The following GLIS2 variants were observed in gnomAD, a reference collection of about 807,000 sequenced individuals.
GLIS2 encodes GLIS family zinc finger 2, also known as zinc finger protein GLIS2.
In GLIS2, 14 loss-of-function variants were observed where a neutral mutation model predicts 35.6. The observed-to-expected ratio is 0.39, with a 90% CI of 0.26 to 0.61. The LOEUF (loss-of-function observed/expected upper bound fraction) is 0.61. GLIS2 is among the 20% of genes least tolerant of loss of function. The pLI is 0.48. For missense variants in GLIS2, 675 were observed against 713.4 expected, an observed-to-expected ratio of 0.95 and a Z score of 0.61; for synonymous variants, 368 against 325.1, an observed-to-expected ratio of 1.13 and a Z score of -1.42.
rs1262768343 is a variant in GLIS2, at chr16:4,320,094, T to G, written c.-67+3840T>G. On this transcript the variant is annotated intron_variant, in intron 1 of 6. Coordinates refer to ENST00000433375, the MANE Select transcript of GLIS2 (RefSeq NM_032575.3). This position sits in a 1 kb window ranked among gnomAD's most constrained non-coding sequence, Gnocchi z 5.6. ...CCTCGTGCCCTTTGTCTTCGGTGCT[T>G]GAGAGGCCAGGTAGTGCCCACCGCA... Among the ~76,000 whole-genome samples, 1 of 151,938 alleles carries G rather than the reference T, an allele frequency of 6.6e-6. No individual in the cohort carries two copies. Among genetic ancestry groups the G allele is most frequent in the Non-Finnish European group, 1.5e-5 (1 of 67,948 alleles).
Position 4,332,617 on chromosome 16 carries a change from C to T in GLIS2, c.172+165C>T, listed in dbSNP as rs760981341. ...CCATCCGCCCAGCATCGTATGTCTG[C>T]AGGGAGGTGGGAGCTGCAGTGCCCA... On this transcript the variant is annotated intron_variant, in intron 2 of 6. Transcript: ENST00000433375. This position sits in a 1 kb window ranked among gnomAD's most constrained non-coding sequence, Gnocchi z 5.4. Among the ~76,000 whole-genome samples, 2 of 152,248 alleles carry T rather than the reference C, an allele frequency of 1.3e-5. No individual in the cohort carries two copies. The highest frequency in any genetic ancestry group is 4.8e-5 in the African/African-American group (2 of 41,470).
At chr16:4,326,418 C>G (rs1422889345) in intron 1 of GLIS2, 4 of 152,244 alleles carry the variant, frequency 2.6e-5, no homozygotes, top group African/African-American at 9.6e-5. Flanking sequence ...CACTGCCACG[C>G]TGGTCACTCA....
chr16:4,323,569 C>CGT, intron 1 of GLIS2, among the ~76,000 whole-genome samples: 1 of 152,264 alleles, frequency 6.6e-6, no homozygotes, highest in Admixed American at 6.5e-5. Context: ...TGTGAGTGTG[C>CGT]GTGTGTGTGC....
rs2053563392 is a variant in GLIS2 at position 4,337,143 on chromosome 16, G to GGGCCCTGGGCTGCCA, written c.1200_1214dup (p.Gly401_Pro405dup). The GGGCCCTGGGCTGCCA allele has an allele frequency of 6.5e-7, 1 of 1,537,484 alleles. No homozygotes were observed. Among genetic ancestry groups the GGGCCCTGGGCTGCCA allele is most frequent in the South Asian group, 1.2e-5 (1 of 83,954 alleles). ...GGGGCAGTGGGGGTGGGGGGGGCAT[G>GGGCCCTGGGCTGCCA]GGCCCTGGGCTGCCAGGCCCCGTCC... On this transcript the variant is annotated inframe_insertion, in exon 7 of 7. Coordinates refer to ENST00000433375, the MANE Select transcript of GLIS2 (RefSeq NM_032575.3).
chr16:4,336,484 T>C, intron 6 of GLIS2: 1 of 625,618 alleles, frequency 1.6e-6, no homozygotes, highest in Non-Finnish European at 2.9e-6. Flanking sequence ...GCACATCCTC[T>C]GTAGCAGAGG....
chr16:4,316,650 C>T (rs955011629), intron 1 of GLIS2, among the ~76,000 whole-genome samples: 5 of 150,582 alleles, frequency 3.3e-5, no homozygotes, highest in African/African-American at 1.2e-4. Flanking sequence ...GGGCAGCCGC[C>T]CCTCCTCTCG....
Position 4,337,518 on chromosome 16 carries a change from G to T in GLIS2, c.1569G>T (p.Val523=), listed in dbSNP as rs371022001. The change falls in exon 7 of 7, where the codon GTG becomes GTT. Residue 523 remains valine (V), a synonymous_variant. Coordinates refer to ENST00000433375, the MANE Select transcript of GLIS2 (RefSeq NM_032575.3). ...PGSVLLKPAV[V]N Reference sequence around the variant, plus strand: ...CGGTGCTGCTCAAACCGGCTGTGGTGAACTGAGCCCATCCTGCGGACAGTT... The same window carrying T: ...CGGTGCTGCTCAAACCGGCTGTGGTTAACTGAGCCCATCCTGCGGACAGTT... The T allele has an allele frequency of 1.9e-6, 3 of 1,557,776 alleles. No individual in the cohort carries two copies. Among genetic ancestry groups the T allele is most frequent in the Non-Finnish European group, 1.7e-6 (2 of 1,156,980 alleles).
At chr16:4,328,177 A>G (rs2906899) in intron 1 of GLIS2, 140,042 of 152,398 alleles carry the variant, frequency 0.92, 64,617 homozygotes, top group African/African-American at 0.98. Context: ...ATTAGCACCC[A>G]GGCCTCTGGC....
chr16:4,324,049 G>A (rs2141122961), intron 1 of GLIS2, among the ~76,000 whole-genome samples: 1 of 152,314 alleles, frequency 6.6e-6, no homozygotes, highest in African/African-American at 2.4e-5. Context: ...CCCATCTTCA[G>A]GTGCTTTCCC....
In GLIS2 at chr16:4,334,742, G is replaced by A. The variant is rs1018350495; in HGVS notation, c.346-59G>A. The A allele has an allele frequency of 6.7e-5, 108 of 1,601,800 alleles. No individual in the cohort carries two copies. In the Middle Eastern group the frequency reaches 8.2e-4, roughly 12 times the overall value. On this transcript the variant is annotated intron_variant, in intron 3 of 6. Coordinates refer to ENST00000433375, the MANE Select transcript of GLIS2 (RefSeq NM_032575.3). The stretch of plus-strand genomic sequence containing the variant: ...TGGGGACACCATTCAGTCCACTACC[G>A]ATGGGACGGGGGGCTCTGGGCCAGC...
In GLIS2 at chr16:4,320,241, G is replaced by T. The variant is rs977835115; in HGVS notation, c.-67+3987G>T. Among the ~76,000 whole-genome samples the T allele has an allele frequency of 6.6e-6, 1 of 152,126 alleles. No homozygotes were observed. Among genetic ancestry groups the T allele is most frequent in the Non-Finnish European group, 1.5e-5 (1 of 68,012 alleles). On this transcript the variant is annotated intron_variant, in intron 1 of 6. Coordinates refer to ENST00000433375, the MANE Select transcript of GLIS2 (RefSeq NM_032575.3). This position sits in a 1 kb window ranked among gnomAD's most constrained non-coding sequence, Gnocchi z 5.6. The stretch of plus-strand genomic sequence containing the variant: ...CCTTCCTCCAGTCATGGCCAAGGGC[G>T]GGTGGGAAGCCAGCAGAGGCCCCAG...
rs754894412 is a variant in GLIS2 at position 4,320,524 on chromosome 16, C to T, written c.-67+4270C>T. Reference sequence around the variant, plus strand: ...GTCTGGGGCTGTCTGGCCCTGACCCCTGAAATGTCGGTTTAGCCTGGGAAT... The same window carrying T: ...GTCTGGGGCTGTCTGGCCCTGACCCTTGAAATGTCGGTTTAGCCTGGGAAT... On this transcript the variant is annotated intron_variant, in intron 1 of 6. Coordinates refer to ENST00000433375, the MANE Select transcript of GLIS2 (RefSeq NM_032575.3). This position sits in a 1 kb window ranked among gnomAD's most constrained non-coding sequence, Gnocchi z 5.6. Among the ~76,000 whole-genome samples the T allele has an allele frequency of 1.3e-5, 2 of 152,068 alleles. No homozygotes were observed. The highest frequency in any genetic ancestry group is 2.9e-5 in the Non-Finnish European group (2 of 68,012).
At chr16:4,318,534 G>T (rs945508791) in intron 1 of GLIS2, among the ~76,000 whole-genome samples, 1 of 152,236 alleles carries the variant, frequency 6.6e-6, no homozygotes, top group Non-Finnish European at 1.5e-5. Context: ...CTGCAACTGG[G>T]TAGCCACAGC....
Position 4,336,964 on chromosome 16 carries a change from C to T in GLIS2, c.1015C>T (p.Leu339=), listed in dbSNP as rs2053559457. 6.2e-7 allele frequency: 1 copy of T among 1,611,080 alleles called. No individual in the cohort carries two copies. Among genetic ancestry groups the T allele is most frequent in the Non-Finnish European group, 8.5e-7 (1 of 1,179,450 alleles). Residue 339 remains leucine, a synonymous_variant, in exon 7 of 7, where the codon CTG becomes TTG. Coordinates refer to ENST00000433375, the MANE Select transcript of GLIS2 (RefSeq NM_032575.3). ...LQLRPPPKPP[L]PAPDGGPYVS... ...GCTGCGCCCACCCCCCAAGCCGCCA[C>T]TGCCCGCCCCCGACGGCGGCCCCTA... is the stretch of plus-strand genomic sequence containing the variant.
chr16:4,316,935 C>T (rs1401336591), intron 1 of GLIS2, among the ~76,000 whole-genome samples: 3 of 152,130 alleles, frequency 2.0e-5, no homozygotes, highest in African/African-American at 7.2e-5. Flanking sequence ...GAGGAGGGGG[C>T]GAGGCAGGTG....
At position 4,334,932 on chromosome 16, in the gene GLIS2, G is replaced by A. The variant is rs148123444; in HGVS notation, c.477G>A (p.Ser159=). The change falls in exon 4 of 7, where the codon TCG becomes TCA. Residue 159 remains serine (S), a synonymous_variant. Coordinates refer to ENST00000433375, the MANE Select transcript of GLIS2 (RefSeq NM_032575.3). The part of the protein sequence containing the change: ...FLTPPKDKCL[S]PDLPLPKQLV... ...CCCCTCCCAAGGACAAGTGCCTCTC[G>A]CCAGACCTGCCCCTGCCCAAGCAGC... 1.6e-4 allele frequency: 255 copies of A among 1,612,954 alleles called. No homozygotes were observed. The African/African-American group carries it at 2.8e-3, about 18-fold the overall frequency.
upstream of GLIS2, chr16:4,315,439 AG>A (rs2053296291): frequency 6.6e-6 from 1 of 152,098 alleles, no homozygotes; most frequent in Non-Finnish European, 1.5e-5. Context: ...CCGGGGCCGC[AG>A]GGGGGCCTGG....
Position 4,337,396 on chromosome 16 carries a change from C to A in GLIS2, c.1447C>A (p.Leu483Met). 1 of 1,592,278 alleles carries A rather than the reference C, an allele frequency of 6.3e-7. No individual in the cohort carries two copies. Among genetic ancestry groups the A allele is most frequent in the Middle Eastern group, 1.7e-4 (1 of 6,044 alleles). ...GCCAAGCCCCGATGGACTCCCCCTG[C>A]TGCCAGGCACCGTGCTGGACCTGTC... ...SRPSPDGLPLLPGTVLDLSTG... is the reference protein window; with the variant it reads ...SRPSPDGLPLMPGTVLDLSTG... The change falls in exon 7 of 7, where the codon CTG becomes ATG. Residue 483 changes from leucine to methionine, a missense_variant. Leu to Met is a conservative substitution (Grantham distance 15, BLOSUM62 2). This residue lies in a region of GLIS2 where 317 missense variants were observed against 283.2 expected (regional missense o/e 1.12). Transcript: ENST00000433375.
upstream of GLIS2, chr16:4,315,548 C>G (rs1274580434): frequency 6.6e-6 from 1 of 152,002 alleles, no homozygotes; most frequent in East Asian, 1.9e-4. Flanking sequence ...CCTCTGGGCC[C>G]GCGCGCCCGG....
Sources: gnomAD v4.1 joint callset for allele counts (sites outside exome capture counted in the v4.1 genomes callset) on GRCh38, gnomAD v4.1.1 for gene constraint, gnomAD v4.1.1 regional missense constraint, Gnocchi (gnomAD v3.1) non-coding constraint, MANE v1.5 for transcripts, NCBI Gene and HGNC (gene_info 2026-07-23, HGNC 2026-07-21) for gene names.